The following NFAT5 variants were observed in gnomAD, a reference collection of about 807,000 sequenced individuals.
The protein encoded by NFAT5 is nuclear factor of activated T-cells 5.
Under a neutral mutation model 166.5 loss-of-function variants are expected in NFAT5, and 31 were observed. That is an observed-to-expected ratio of 0.19 (90% confidence interval 0.14 to 0.25). The LOEUF is 0.25. Among genes scored for constraint, NFAT5 ranks in the 10% least tolerant of loss-of-function variants. NFAT5 has a pLI of 1.00. For missense variants in NFAT5, 1,449 were observed against 1,821.8 expected, an observed-to-expected ratio of 0.80 and a Z score of 3.72; for synonymous variants, 612 against 639.7, an observed-to-expected ratio of 0.96 and a Z score of 0.65.
Position 69,692,365 on chromosome 16 carries a change from A to G in NFAT5, c.2540A>G (p.Asp847Gly). 1 of 1,614,220 alleles carries G rather than the reference A, an allele frequency of 6.2e-7. No individual in the cohort carries two copies. Among genetic ancestry groups the G allele is most frequent in the Non-Finnish European group, 8.5e-7 (1 of 1,180,040 alleles). ...NENVQEQLSA[D>G]IFQQVSQIQS... ...AATGTTCAAGAGCAGCTTAGTGCAG[A>G]TATTTTTCAACAAGTCAGTCAAATT... is the stretch of plus-strand genomic sequence containing the variant. Residue 847 changes from aspartate (D) to glycine (G), a missense_variant, in exon 13 of 15, where the codon GAT (aspartate) becomes GGT (glycine). Asp to Gly is a moderately conservative substitution (Grantham distance 94, BLOSUM62 -1). Around this residue, in one of 7 missense-constraint regions of NFAT5, gnomAD observed 891 missense variants for 993.0 expected, o/e 0.90. Transcript: ENST00000349945.
At chr16:69,616,531 G>A (rs1381686934) in intron 2 of NFAT5, among the ~76,000 whole-genome samples, 1 of 151,932 alleles carries the variant, frequency 6.6e-6, no homozygotes, top group African/African-American at 2.4e-5. Flanking sequence ...ATGGAGATTT[G>A]CGTTCTGTTT....
At chr16:69,686,397 C>T (rs552707483) in intron 11 of NFAT5, among the ~76,000 whole-genome samples, 1 of 151,882 alleles carries the variant, frequency 6.6e-6, no homozygotes, top group African/African-American at 2.4e-5. Context: ...GTGGCATGCA[C>T]TTATCATCCT....
intron 2 of NFAT5, among the ~76,000 whole-genome samples, chr16:69,606,872 A>G (rs188516198): frequency 1.8e-3 from 268 of 152,268 alleles, no homozygotes; most frequent in Admixed American, 5.4e-3. Context: ...CAACAACAAA[A>G]GGAAAGCTGT....
chr16:69,659,425 A>T (rs1264829174), intron 6 of NFAT5, among the ~76,000 whole-genome samples: 1 of 151,952 alleles, frequency 6.6e-6, no homozygotes, highest in Non-Finnish European at 1.5e-5. Context: ...CCTGGGTGAC[A>T]GTGAGACTCC....
chr16:69,585,371 G>T (rs1182768395), intron 2 of NFAT5, among the ~76,000 whole-genome samples: 1 of 151,662 alleles, frequency 6.6e-6, no homozygotes, highest in Non-Finnish European at 1.5e-5. Context: ...TTCATGCATT[G>T]CTGGTGGTAA....
chr16:69,686,356 A>G (rs2037303768), intron 11 of NFAT5, among the ~76,000 whole-genome samples: 1 of 151,948 alleles, frequency 6.6e-6, no homozygotes, highest in Admixed American at 6.6e-5. Flanking sequence ...CGGTCTCAAA[A>G]AAAAAAAATT....
chr16:69,642,606 G>C (rs2035260070), intron 3 of NFAT5, among the ~76,000 whole-genome samples: 1 of 151,790 alleles, frequency 6.6e-6, no homozygotes, highest in Non-Finnish European at 1.5e-5. Flanking sequence ...AGAACACAAG[G>C]TCAGGAGTTC....
chr16:69,631,667 C>A (rs979432469), intron 3 of NFAT5, among the ~76,000 whole-genome samples: 26 of 151,692 alleles, frequency 1.7e-4, no homozygotes, highest in African/African-American at 6.3e-4. Flanking sequence ...TGCTCTTTTG[C>A]CAGGCTGGAG....
At chr16:69,637,995 C>T (rs192690184) in intron 3 of NFAT5, among the ~76,000 whole-genome samples, 299 of 150,274 alleles carry the variant, frequency 2.0e-3, no homozygotes, top group South Asian at 0.015. Context: ...CTGAGGCTGG[C>T]GGATCACAAG....
chr16:69,642,998 A>G (rs1241817567), intron 3 of NFAT5, among the ~76,000 whole-genome samples: 2 of 152,034 alleles, frequency 1.3e-5, no homozygotes, highest in Non-Finnish European at 2.9e-5. Flanking sequence ...TGGGTGGATC[A>G]CTTGAAGTCA....
chr16:69,592,848 G>A (rs1486440209), intron 2 of NFAT5, among the ~76,000 whole-genome samples: 1 of 152,202 alleles, frequency 6.6e-6, no homozygotes, highest in Non-Finnish European at 1.5e-5. Flanking sequence ...TGCTTTCAGA[G>A]TAGAGTAGGG....
chr16:69,620,293 C>T (rs1379371682), intron 2 of NFAT5, among the ~76,000 whole-genome samples: 1 of 152,142 alleles, frequency 6.6e-6, no homozygotes, highest in Non-Finnish European at 1.5e-5. Context: ...GTTATTATAT[C>T]GCACTTGCCC....
chr16:69,680,768 T>G (rs1301985937), intron 10 of NFAT5, among the ~76,000 whole-genome samples: 1 of 152,162 alleles, frequency 6.6e-6, no homozygotes, highest in Non-Finnish European at 1.5e-5. Context: ...TTATTTTGTT[T>G]TGTTTTTTTG....
chr16:69,613,474 C>T (rs1232045641), intron 2 of NFAT5, among the ~76,000 whole-genome samples: 1 of 152,188 alleles, frequency 6.6e-6, no homozygotes, highest in Non-Finnish European at 1.5e-5. Flanking sequence ...TGGCCTCACC[C>T]TGCCTTTAGT....
intron 2 of NFAT5, among the ~76,000 whole-genome samples, chr16:69,598,365 G>A (rs1329812860): frequency 2.1e-5 from 3 of 143,054 alleles, no homozygotes; most frequent in South Asian, 2.2e-4. Flanking sequence ...GTGACAGAGC[G>A]AGACCCTGTC....
intron 5 of NFAT5, among the ~76,000 whole-genome samples, 191 bp from the exon 6 acceptor site, chr16:69,655,418 A>T (rs757315666): frequency 4.6e-5 from 7 of 152,154 alleles, no homozygotes; most frequent in African/African-American, 7.2e-5. Context: ...ACAGAATTAA[A>T]ACTATGACTT....
intron 2 of NFAT5, among the ~76,000 whole-genome samples, chr16:69,607,046 C>T (rs2033449349): frequency 6.6e-6 from 1 of 152,058 alleles, no homozygotes; most frequent in African/African-American, 2.4e-5. Context: ...GTTAGTAGCT[C>T]CAATTAATAT....
intron 3 of NFAT5, among the ~76,000 whole-genome samples, chr16:69,645,311 A>G (rs544547858): frequency 2.6e-5 from 4 of 152,324 alleles, no homozygotes; most frequent in South Asian, 2.1e-4. Context: ...GAATTTTCCA[A>G]TTTCAGCTAC....
intron 3 of NFAT5, chr16:69,632,026 A>G (rs2034741076): frequency 6.6e-6 from 1 of 152,238 alleles, no homozygotes; most frequent in East Asian, 1.9e-4. Flanking sequence ...AGTATTTTCT[A>G]CAAAATTTCA....
Sources: allele counts gnomAD v4.1 joint callset (sites outside exome capture counted in the v4.1 genomes callset), GRCh38; gene constraint gnomAD v4.1.1; regional missense constraint gnomAD v4.1.1; transcripts MANE v1.5; gene names NCBI Gene and HGNC (gene_info 2026-07-23, HGNC 2026-07-21).